ADAMTSL1: variants seen among roughly 807,000 people sequenced by gnomAD.
The protein encoded by ADAMTSL1 is ADAMTS like 1, also known as ADAMTS-like protein 1.
Under a neutral mutation model 201.8 loss-of-function variants are expected in ADAMTSL1, and 126 were observed. That is an observed-to-expected ratio of 0.62 (90% CI 0.54 to 0.72). ADAMTSL1 has a LOEUF of 0.72. Among genes scored for constraint, ADAMTSL1 ranks in the 30% least tolerant of loss-of-function variants. The pLI is 0.00. For synonymous variants in ADAMTSL1, 1,121 were observed against 903.4 expected (o/e 1.24, Z -4.32); for missense variants, 2,679 against 2,277.8 (o/e 1.18, Z -3.59).
At position 18,333,983 on chromosome 9, in the gene ADAMTSL1, C is replaced by A. The variant is rs1244362433; in HGVS notation, c.207+170002C>A. 3.9e-5 allele frequency among the ~76,000 whole-genome samples: 6 copies of A among 152,044 alleles called. 1 individual carries two copies. Among genetic ancestry groups the A allele is most frequent in the African/African-American group, 7.2e-5 (3 of 41,408 alleles). ...AGAATCAACTAGCTTCACAAGCAAC[C>A]CAGAGAAGACACTGTGCTAAGTGGA... On this transcript the variant is annotated intron_variant, in intron 2 of 29. Transcript: ENST00000680146.
At chr9:18,611,883 G>A (rs1338221230) in intron 4 of ADAMTSL1, among the ~76,000 whole-genome samples, 1 of 152,176 alleles carries the variant, frequency 6.6e-6, no homozygotes, top group African/African-American at 2.4e-5. Context: ...AGGTGGGAGT[G>A]TGTAGGTTGG....
chr9:18,804,355 C>G (rs1822975938), intron 20 of ADAMTSL1, among the ~76,000 whole-genome samples: 1 of 152,096 alleles, frequency 6.6e-6, no homozygotes, highest in South Asian at 2.1e-4. Context: ...GTAAATAGAG[C>G]TGACTATTGG....
At chr9:18,595,000 GT>G (rs1253554802) in intron 4 of ADAMTSL1, among the ~76,000 whole-genome samples, 1 of 152,154 alleles carries the variant, frequency 6.6e-6, no homozygotes, top group African/African-American at 2.4e-5. Context: ...TGTTCCCTGA[GT>G]CATTCACAGG....
chr9:17,922,355 T>G (rs927786435), intron 1 of ADAMTSL1, among the ~76,000 whole-genome samples: 1 of 152,146 alleles, frequency 6.6e-6, no homozygotes, highest in African/African-American at 2.4e-5. Flanking sequence ...TCAGTGTGCC[T>G]AAGTCAGTTG....
chr9:18,544,413 A>G (rs138033032), intron 3 of ADAMTSL1, among the ~76,000 whole-genome samples: 11 of 152,332 alleles, frequency 7.2e-5, no homozygotes, highest in African/African-American at 2.4e-4. Flanking sequence ...GTTAGGGAAC[A>G]TATGAAAGGG....
chr9:18,587,169 C>G (rs1012302738), intron 4 of ADAMTSL1, among the ~76,000 whole-genome samples: 3 of 152,138 alleles, frequency 2.0e-5, no homozygotes, highest in Non-Finnish European at 4.4e-5. Flanking sequence ...GATAACCCTA[C>G]AGAATGGGTG....
At chr9:18,150,933 T>G (rs1013827559) in intron 1 of ADAMTSL1, among the ~76,000 whole-genome samples, 1 of 151,258 alleles carries the variant, frequency 6.6e-6, no homozygotes, top group Non-Finnish European at 1.5e-5. Flanking sequence ...TAGGAGACAA[T>G]GACATATGCA....
intron 4 of ADAMTSL1, among the ~76,000 whole-genome samples, chr9:18,583,406 T>C (rs1823246825): frequency 6.6e-6 from 1 of 152,192 alleles, no homozygotes; most frequent in South Asian, 2.1e-4. Flanking sequence ...AACCTCCACC[T>C]AGATTTCAGA....
chr9:18,584,561 G>A (rs1823354640), intron 4 of ADAMTSL1, among the ~76,000 whole-genome samples: 1 of 152,164 alleles, frequency 6.6e-6, no homozygotes, highest in Non-Finnish European at 1.5e-5. Context: ...CTTTCTTCCA[G>A]TATCCAATTA....
At chr9:18,653,843 A>G (rs1188064013) in intron 7 of ADAMTSL1, among the ~76,000 whole-genome samples, 3 of 152,234 alleles carry the variant, frequency 2.0e-5, no homozygotes, top group Middle Eastern at 3.2e-3. Context: ...AGACAACTGA[A>G]TCTGTTTCAT....
chr9:18,101,395 G>C (rs1414632828), intron 1 of ADAMTSL1, among the ~76,000 whole-genome samples: 1 of 151,814 alleles, frequency 6.6e-6, no homozygotes, highest in African/African-American at 2.4e-5. Flanking sequence ...CTACTCAGGT[G>C]TCTGAGGCAG....
At chr9:18,273,488 T>C (rs1350896912) in intron 2 of ADAMTSL1, among the ~76,000 whole-genome samples, 1 of 152,228 alleles carries the variant, frequency 6.6e-6, no homozygotes, top group African/African-American at 2.4e-5. Context: ...CTTTTATTTG[T>C]AAGCAGAAAA....
At chr9:18,138,948 G>A (rs1826276861) in intron 1 of ADAMTSL1, among the ~76,000 whole-genome samples, 1 of 152,160 alleles carries the variant, frequency 6.6e-6, no homozygotes, top group African/African-American at 2.4e-5. Context: ...ATATGTGTGT[G>A]TATGAGGAAG....
intron 1 of ADAMTSL1, among the ~76,000 whole-genome samples, chr9:18,099,364 T>A (rs1164334570): frequency 5.7e-4 from 66 of 116,420 alleles, no homozygotes; most frequent in African/African-American, 1.8e-3. Flanking sequence ...TATTTTTTTT[T>A]TTTTTTTTAA....
intron 1 of ADAMTSL1, among the ~76,000 whole-genome samples, chr9:18,054,411 C>T (rs1455590230): frequency 6.6e-6 from 1 of 152,158 alleles, no homozygotes; most frequent in Non-Finnish European, 1.5e-5. Flanking sequence ...CTTCTAATAG[C>T]CCAAAATTTG....
intron 13 of ADAMTSL1, among the ~76,000 whole-genome samples, chr9:18,690,700 G>T (rs1376599053): frequency 6.6e-6 from 1 of 152,160 alleles, no homozygotes; most frequent in Non-Finnish European, 1.5e-5. Context: ...GCATATGGTA[G>T]AGGTAAAGCC....
intron 20 of ADAMTSL1, among the ~76,000 whole-genome samples, chr9:18,798,785 T>G (rs1201968956): frequency 6.6e-6 from 1 of 152,216 alleles, no homozygotes; most frequent in East Asian, 1.9e-4. Flanking sequence ...GTAGATCTGG[T>G]GTCTTGCCAA....
At chr9:18,235,471 C>G (rs564882518) in intron 2 of ADAMTSL1, among the ~76,000 whole-genome samples, 1 of 152,302 alleles carries the variant, frequency 6.6e-6, no homozygotes, top group East Asian at 1.9e-4. Flanking sequence ...TCCCATGGAA[C>G]ATATTTCCAT....
chr9:18,148,300 G>T (rs1357991144), intron 1 of ADAMTSL1, among the ~76,000 whole-genome samples: 1 of 149,258 alleles, frequency 6.7e-6, no homozygotes, highest in African/African-American at 2.5e-5. Context: ...GAAAAAGAAT[G>T]TTTGTTTAAC....
Sources: allele counts gnomAD v4.1 joint callset (sites outside exome capture counted in the v4.1 genomes callset), GRCh38; gene constraint gnomAD v4.1.1; transcripts MANE v1.5; gene names NCBI Gene and HGNC (gene_info 2026-07-23, HGNC 2026-07-21).